The following PALB2 variants were observed in gnomAD, a reference collection of about 807,000 sequenced individuals.
PALB2 encodes mutant partner and localizer of BRCA2.
Under a neutral mutation model 107.4 loss-of-function variants are expected in PALB2, and 82 were observed. The observed-to-expected ratio is 0.76, with a 90% confidence interval of 0.64 to 0.92. PALB2 has a LOEUF of 0.92. PALB2 is among the 40% of genes least tolerant of loss of function. PALB2 has a pLI of 0.00. For missense variants in PALB2, 1,374 were observed against 1,379.9 expected, an observed-to-expected ratio of 1.00 and a Z score of 0.07; for synonymous variants, 489 against 496.8, an observed-to-expected ratio of 0.98 and a Z score of 0.21.
Position 23,641,262 on chromosome 16 carries a change from G to A in PALB2, c.-105C>T. ...GGGGAGGCGCCCCAGGAAGGAATGG[G>A]GAGCCCGGGATCGCACCCTCAGTGC... On this transcript the variant is annotated 5_prime_UTR_variant, in exon 1 of 13. Transcript: ENST00000261584. 1.4e-6 allele frequency: 2 copies of A among 1,448,152 alleles called. No homozygotes were observed. Among genetic ancestry groups the A allele is most frequent in the Non-Finnish European group, 9.5e-7 (1 of 1,054,614 alleles). 89.7% of individuals were successfully genotyped at this position (1,448,152 alleles called of 1,614,324 possible).
chr16:23,627,347 C>T (rs910563116), intron 6 of PALB2, among the ~76,000 whole-genome samples: 1 of 151,424 alleles, frequency 6.6e-6, no homozygotes, highest in African/African-American at 2.4e-5. Flanking sequence ...ATTAGCTGGG[C>T]GCGGTGGCGG....
Position 23,638,116 on chromosome 16 carries a change from A to G in PALB2, c.62T>C (p.Leu21Ser), listed in dbSNP as rs769240800. Residue 21 changes from leucine (L) to serine (S), a missense_variant, in exon 2 of 13, where the codon TTA becomes TCA. Coordinates refer to ENST00000261584, the MANE Select transcript of PALB2 (RefSeq NM_024675.4). ...CEEKEKLKEK[L>S]AFLKREYSKT... is the part of the protein sequence containing the mutation. ...GCTGTATTCCCTTTTCAAGAATGCT[A>G]ATTTCTCCTTTAACTGGAAGAAGAA... is the stretch of plus-strand genomic sequence containing the variant. 6.2e-7 allele frequency: 1 copy of G among 1,613,928 alleles called. No individual in the cohort carries two copies. The highest frequency in any genetic ancestry group is 2.2e-5 in the East Asian group (1 of 44,890).
intron 6 of PALB2, 85 bp from the exon 7 acceptor site, chr16:23,626,482 A>G (rs1966843086): frequency 6.6e-7 from 1 of 1,507,136 alleles, no homozygotes; most frequent in South Asian, 1.1e-5. Flanking sequence ...ATGAATTATA[A>G]TTCAATGAAA....
In PALB2 at chr16:23,608,799, T is replaced by TACACACACACACACACACACAC. The variant is rs1309453906; in HGVS notation, c.3202-788_3202-787insGTGTGTGTGTGTGTGTGTGTGT. Among the ~76,000 whole-genome samples the TACACACACACACACACACACAC allele has an allele frequency of 1.3e-3, 154 of 115,106 alleles. 1 individual carries two copies. The highest frequency in any genetic ancestry group is 4.9e-3 in the African/African-American group (145 of 29,478). 75.5% of individuals were successfully genotyped at this position (115,106 alleles called of 152,430 possible). A position where few individuals can be genotyped will look rare whatever the true frequency, so the allele number is the denominator to read the frequency against. The stretch of plus-strand genomic sequence containing the variant: ...TAATATTACTGTATGTGTGTATATA[T>TACACACACACACACACACACAC]ATACACACACACACACACACACACA... On this transcript the variant is annotated intron_variant, in intron 11 of 12. Transcript: ENST00000261584.
At chr16:23,617,051 G>A (rs535399437) in intron 10 of PALB2, among the ~76,000 whole-genome samples, 2 of 151,976 alleles carry the variant, frequency 1.3e-5, no homozygotes, top group Non-Finnish European at 2.9e-5. Flanking sequence ...TGACCTCATC[G>A]TGATCTGCCC....
chr16:23,625,048 T>C (rs1966839310), intron 7 of PALB2, among the ~76,000 whole-genome samples: 1 of 152,008 alleles, frequency 6.6e-6, no homozygotes, highest in Non-Finnish European at 1.5e-5. Context: ...AAAACCCGTC[T>C]CTAGGCTGGG....
intron 8 of PALB2, 69 bp from the exon 9 acceptor site, chr16:23,623,199 A>AATT: frequency 1.4e-5 from 15 of 1,109,496 alleles, no homozygotes; most frequent in Non-Finnish European, 1.9e-5. Flanking sequence ...GACTAGGTTC[A>AATT]CTTTTTTTTT....
At chr16:23,621,866 G>A (rs1428277425) in intron 9 of PALB2, among the ~76,000 whole-genome samples, 2 of 151,838 alleles carry the variant, frequency 1.3e-5, no homozygotes, top group Non-Finnish European at 2.9e-5. Flanking sequence ...TTCGAGCTTG[G>A]TCACCACTCA....
At chr16:23,611,460 A>AT (rs887018557) in intron 11 of PALB2, among the ~76,000 whole-genome samples, 4 of 140,790 alleles carry the variant, frequency 2.8e-5, no homozygotes, top group African/African-American at 1.1e-4. Context: ...TATTATTATT[A>AT]TTATTATTTT....
intron 8 of PALB2, 50 bp downstream of exon 8, chr16:23,623,959 A>G: frequency 7.7e-7 from 1 of 1,305,216 alleles, no homozygotes; most frequent in South Asian, 1.2e-5. Context: ...AAACCAGCTG[A>G]CAGAGACAAA....
chr16:23,623,607 G>T (rs905721024), intron 8 of PALB2, among the ~76,000 whole-genome samples: 2 of 138,088 alleles, frequency 1.4e-5, no homozygotes, highest in East Asian at 4.4e-4. Flanking sequence ...TCTGTTTCCC[G>T]GGTTCAGGCA....
intron 10 of PALB2, among the ~76,000 whole-genome samples, chr16:23,618,443 C>G (rs1245810144): frequency 6.6e-6 from 1 of 152,078 alleles, no homozygotes; most frequent in Non-Finnish European, 1.5e-5. Context: ...GACGGCAGAG[C>G]TGGAGAGGAC....
chr16:23,629,204 CT>C lies in PALB2; in HGVS notation c.2585del (p.Lys862ArgfsTer9), dbSNP rs752513498. 2 of 1,610,006 alleles carry C rather than the reference CT, an allele frequency of 1.2e-6. No homozygotes were observed. Among genetic ancestry groups the C allele is most frequent in the South Asian group, 1.1e-5 (1 of 90,990 alleles). On this transcript the variant is annotated frameshift_variant and splice_region_variant, in exon 6 of 13. Transcript: ENST00000261584. LOFTEE classifies it high-confidence loss of function. ...PGNLQLVSEL[K>X]NPSGSCSVDV... The stretch of plus-strand genomic sequence containing the variant: ...CACTGGAAGAGAATATTCTTCTGAC[CT>C]TTAACTCTGAAACCAATTGTAGGTT...
intron 7 of PALB2, among the ~76,000 whole-genome samples, chr16:23,624,699 C>T (rs937335152): frequency 4.6e-5 from 7 of 152,130 alleles, no homozygotes; most frequent in African/African-American, 7.2e-5. Context: ...TTAGGAGAGA[C>T]GGGGTTTCAC....
intron 7 of PALB2, among the ~76,000 whole-genome samples, chr16:23,625,521 G>A (rs1282913384): frequency 6.6e-6 from 1 of 151,716 alleles, no homozygotes; most frequent in East Asian, 1.9e-4. Context: ...TAGGCCAGGT[G>A]TGGTAGCTCA....
intron 4 of PALB2, among the ~76,000 whole-genome samples, chr16:23,630,962 A>ATAAT (rs1424392568): frequency 6.6e-6 from 1 of 151,482 alleles, no homozygotes; most frequent in African/African-American, 2.4e-5. Flanking sequence ...AAATAAATAA[A>ATAAT]TAAAAATTAA....
Position 23,608,537 on chromosome 16 carries a change from T to A in PALB2, c.3202-525A>T, listed in dbSNP as rs530702706. ...ACACATGTGCAGGGAGTGCTCAAAT[T>A]AGAAATATTCATTTGTAAATTGGTT... On this transcript the variant is annotated intron_variant, in intron 11 of 12. Transcript: ENST00000261584. Among the ~76,000 whole-genome samples the A allele has an allele frequency of 2.0e-5, 3 of 152,250 alleles. No individual in the cohort carries two copies. The East Asian group carries it at 5.8e-4, about 29-fold the overall frequency.
chr16:23,620,513 C>T (rs1050366685), intron 10 of PALB2, among the ~76,000 whole-genome samples: 4 of 152,118 alleles, frequency 2.6e-5, no homozygotes, highest in African/African-American at 7.2e-5. Flanking sequence ...GGGAGAAACC[C>T]CTCCAGTATG....
chr16:23,641,024 G>C (rs2142479360), intron 1 of PALB2, 86 bp downstream of exon 1: 1 of 1,490,326 alleles, frequency 6.7e-7, no homozygotes, highest in Non-Finnish European at 9.2e-7. Context: ...TGCTGCCCTC[G>C]GACTGCCGAG....
Sources: gnomAD v4.1 joint callset for allele counts (sites outside exome capture counted in the v4.1 genomes callset) on GRCh38, gnomAD v4.1.1 for gene constraint, MANE v1.5 for transcripts, NCBI Gene and HGNC (gene_info 2026-07-23, HGNC 2026-07-21) for gene names.